The following MAP3K13 variants were observed in gnomAD, a reference collection of about 807,000 sequenced individuals.
The protein encoded by MAP3K13 is leucine zipper-bearing kinase.
In MAP3K13, 52 loss-of-function variants were observed where a neutral mutation model predicts 104.0. The ratio of observed to expected loss-of-function variants is 0.50; its 90% CI spans 0.40 to 0.63. The LOEUF (loss-of-function observed/expected upper bound fraction) is 0.63. Among genes scored for constraint, MAP3K13 ranks in the 20% least tolerant of loss-of-function variants. The probability of loss-of-function intolerance (pLI) is 0.00; values close to 1 mark genes in which losing one functional copy is unlikely to be tolerated. For synonymous variants in MAP3K13, 394 were observed against 442.2 expected, an observed-to-expected ratio of 0.89 and a Z score of 1.37; for missense variants, 914 against 1,218.5, an observed-to-expected ratio of 0.75 and a Z score of 3.72.
In MAP3K13 at chr3:185,473,574, C is replaced by T; in HGVS notation, c.2243C>T (p.Ala748Val). The change falls in exon 11 of 14, where the codon GCT becomes GTT. Residue 748 changes from alanine to valine, a missense_variant. Physicochemically the swap from Ala to Val is moderately conservative, Grantham distance 64. Transcript: ENST00000265026. The surrounding 1 kb of genome is among the most constrained non-coding windows in gnomAD (Gnocchi z 4.9). ...EQYGSLDIPSAEPVGRSPDLS... is the reference protein window; with the variant it reads ...EQYGSLDIPSVEPVGRSPDLS... ...TATGGGTCCTTAGACATACCCTCTG[C>T]TGAGCCAGTGGGGAGGAGCCCTGAC... is the stretch of plus-strand genomic sequence containing the variant. The T allele has an allele frequency of 6.2e-7, 1 of 1,614,196 alleles. No homozygotes were observed. Among genetic ancestry groups the T allele is most frequent in the Non-Finnish European group, 8.5e-7 (1 of 1,180,032 alleles).
intron 2 of MAP3K13, among the ~76,000 whole-genome samples, chr3:185,290,224 A>G (rs1720682918): frequency 2.0e-5 from 3 of 152,192 alleles, no homozygotes; most frequent in Non-Finnish European, 4.4e-5. Flanking sequence ...GGCATGCTTG[A>G]AAAAACTTTA....
chr3:185,323,005 A>G lies in MAP3K13; in HGVS notation c.-86+37362A>G, dbSNP rs550144908. ...CTCCTTTCTCCAAGCCATTTTCACTATAGCTGTTCTAATAATTTTTAAAAT... is the reference window on the plus strand; with the variant it reads ...CTCCTTTCTCCAAGCCATTTTCACTGTAGCTGTTCTAATAATTTTTAAAAT... On this transcript the variant is annotated intron_variant, in intron 2 of 14. Transcript: ENST00000424227. Among the ~76,000 whole-genome samples, 3 of 152,222 alleles carry G rather than the reference A, an allele frequency of 2.0e-5. No individual in the cohort carries two copies. The East Asian group carries it at 5.8e-4, about 29-fold the overall frequency.
intron 3 of MAP3K13, among the ~76,000 whole-genome samples, chr3:185,439,550 G>A (rs919404486): frequency 2.6e-5 from 4 of 152,052 alleles, no homozygotes; most frequent in East Asian, 1.9e-4. Context: ...AGATCACTAG[G>A]ACGCTGGGTT....
intron 2 of MAP3K13, among the ~76,000 whole-genome samples, chr3:185,346,534 A>T (rs1722930810): frequency 6.6e-6 from 1 of 152,216 alleles, no homozygotes; most frequent in South Asian, 2.1e-4. Flanking sequence ...TAGTTTTATC[A>T]TAATTTATTT....
chr3:185,453,856 T>G (rs1285321120), intron 7 of MAP3K13, among the ~76,000 whole-genome samples: 1 of 4,252 alleles, frequency 2.4e-4, no homozygotes, highest in African/African-American at 4.0e-4. Flanking sequence ...ATATATGAGA[T>G]ATATATATAT....
At chr3:185,332,774 G>C (rs938832781) in intron 2 of MAP3K13, among the ~76,000 whole-genome samples, 2 of 152,160 alleles carry the variant, frequency 1.3e-5, no homozygotes, top group African/African-American at 2.4e-5. Context: ...GCCATGTCCT[G>C]TTTATCCATT....
At chr3:185,327,929 A>C (rs11927144) in intron 2 of MAP3K13, among the ~76,000 whole-genome samples, 1 of 145,574 alleles carries the variant, frequency 6.9e-6, no homozygotes, top group African/African-American at 2.5e-5. Flanking sequence ...AAAGAAAAGA[A>C]AGGAAGGAAG....
rs1718613239 is a variant in MAP3K13, at chr3:185,484,129, A to T, written c.*1673A>T. On this transcript the variant is annotated 3_prime_UTR_variant, in exon 14 of 14. Coordinates refer to ENST00000265026, the MANE Select transcript of MAP3K13 (RefSeq NM_004721.5). ...CATTTTTGTTCAATGCTACTTGTAA[A>T]ATATCTTTTACTTCACTCCAAATCA... 6.6e-6 allele frequency: 1 copy of T among 152,226 alleles called. No individual in the cohort carries two copies. Among genetic ancestry groups the T allele is most frequent in the African/African-American group, 2.4e-5 (1 of 41,442 alleles). The allele number at this position is 152,226 out of a possible 1,614,324, so 9.4% of individuals were successfully genotyped here.
intron 2 of MAP3K13, among the ~76,000 whole-genome samples, chr3:185,434,138 T>C (rs1714897901): frequency 6.6e-6 from 1 of 152,098 alleles, no homozygotes; most frequent in African/African-American, 2.4e-5. Context: ...TGATATAGAA[T>C]ACTTTGTTCA....
At position 185,471,451 on chromosome 3, in the gene MAP3K13, C is replaced by CTTTTTT. The variant is rs71164510; in HGVS notation, c.1644-1504_1644-1499dup. 5.5e-3 allele frequency among the ~76,000 whole-genome samples: 415 copies of CTTTTTT among 75,372 alleles called. 5 individuals carry two copies. The highest frequency in any genetic ancestry group is 7.2e-3 in the East Asian group (13 of 1,810). The allele number at this position is 75,372 out of a possible 152,430, so 49.4% of individuals were successfully genotyped here. A position where few individuals can be genotyped will look rare whatever the true frequency, so the allele number is the denominator to read the frequency against. On this transcript the variant is annotated intron_variant, in intron 10 of 13. Transcript: ENST00000265026. ...TGAGCCTGTACCTGGACGACCTTTA[C>CTTTTTT]TTTTTTTTTTTTTTTTTTTTTTTTT... is the stretch of plus-strand genomic sequence containing the variant.
At chr3:185,479,741 A>G (rs1371256696) in intron 12 of MAP3K13, among the ~76,000 whole-genome samples, 1 of 152,208 alleles carries the variant, frequency 6.6e-6, no homozygotes, top group East Asian at 1.9e-4. Flanking sequence ...CTTATTTCTC[A>G]AGTTCTGGAG....
rs140265405 is a variant in MAP3K13, at chr3:185,461,939, T to A, written c.1279-1611T>A. On this transcript the variant is annotated intron_variant, in intron 7 of 13. Coordinates refer to ENST00000265026, the MANE Select transcript of MAP3K13 (RefSeq NM_004721.5). ...CAAGGATGTAGAGAAACTGGAACCC[T>A]TATACACTGTTGGTGAGAATGCAAA... 3.7e-3 allele frequency among the ~76,000 whole-genome samples: 562 copies of A among 151,478 alleles called. 4 individuals are homozygous for A. The highest frequency in any genetic ancestry group is 0.013 in the African/African-American group (524 of 41,466).
At chr3:185,348,164 TAA>T (rs1299119483) in intron 2 of MAP3K13, among the ~76,000 whole-genome samples, 1 of 152,230 alleles carries the variant, frequency 6.6e-6, no homozygotes, top group South Asian at 2.1e-4. Flanking sequence ...CATTGTTTAC[TAA>T]TTACAGTATA....
chr3:185,332,573 C>G (rs986754454), intron 2 of MAP3K13, among the ~76,000 whole-genome samples: 1 of 152,226 alleles, frequency 6.6e-6, no homozygotes, highest in Non-Finnish European at 1.5e-5. Context: ...TAACTCCTAG[C>G]AACTACCATT....
At chr3:185,469,554 T>C (rs1375523597) in intron 10 of MAP3K13, among the ~76,000 whole-genome samples, 1 of 152,198 alleles carries the variant, frequency 6.6e-6, no homozygotes, top group African/African-American at 2.4e-5. Context: ...TAGCAGACAA[T>C]ACCCTACCCA....
At chr3:185,335,221 A>G (rs1347523667) in intron 2 of MAP3K13, among the ~76,000 whole-genome samples, 2 of 152,226 alleles carry the variant, frequency 1.3e-5, no homozygotes, top group Non-Finnish European at 2.9e-5. Context: ...GTTTGATCAC[A>G]GAATCCTTTA....
intron 2 of MAP3K13, among the ~76,000 whole-genome samples, chr3:185,429,976 G>C (rs1388000022): frequency 2.0e-5 from 3 of 152,170 alleles, no homozygotes; most frequent in Non-Finnish European, 4.4e-5. Context: ...AAGGGGAGCG[G>C]ATCACCTGAG....
At chr3:185,457,983 C>T (rs1716865426) in intron 7 of MAP3K13, among the ~76,000 whole-genome samples, 1 of 152,182 alleles carries the variant, frequency 6.6e-6, no homozygotes, top group Non-Finnish European at 1.5e-5. Flanking sequence ...ATAATCCTAT[C>T]TTCCCTTCCT....
intron 10 of MAP3K13, among the ~76,000 whole-genome samples, chr3:185,469,982 A>G (rs1717682584): frequency 6.6e-6 from 1 of 152,174 alleles, no homozygotes; most frequent in Non-Finnish European, 1.5e-5. Context: ...GTTTCCAAGC[A>G]AAGCCTGGAA....
Sources: allele counts gnomAD v4.1 joint callset (sites outside exome capture counted in the v4.1 genomes callset), GRCh38; gene constraint gnomAD v4.1.1; non-coding constraint Gnocchi (gnomAD v3.1); transcripts MANE v1.5; gene names NCBI Gene and HGNC (gene_info 2026-07-23, HGNC 2026-07-21).